The following PALM2AKAP2 variants were observed in gnomAD, a reference collection of about 807,000 sequenced individuals.
PALM2AKAP2 encodes the protein PALM2-AKAP2 fusion protein.
Under a neutral mutation model 71.5 loss-of-function variants are expected in PALM2AKAP2, and 37 were observed. The ratio of observed to expected loss-of-function variants is 0.52; its 90% CI spans 0.40 to 0.68. The LOEUF is 0.68. Ranked by LOEUF, PALM2AKAP2 falls within the 30% of genes least tolerant of loss-of-function variation. The pLI is 0.00. For missense variants in PALM2AKAP2, 1,224 were observed against 1,191.8 expected (o/e 1.03, Z -0.40); for synonymous variants, 468 against 478.8 (o/e 0.98, Z 0.29).
intron 1 of PALM2AKAP2, among the ~76,000 whole-genome samples, chr9:109,743,791 A>G (rs78389261): frequency 0.043 from 6,510 of 152,292 alleles, 192 homozygotes; most frequent in Non-Finnish European, 0.053. Context: ...CACTTTGATA[A>G]CAGGAGACAT....
intron 1 of PALM2AKAP2, among the ~76,000 whole-genome samples, chr9:109,675,653 A>T (rs889337469): frequency 1.3e-5 from 2 of 152,230 alleles, no homozygotes; most frequent in African/African-American, 4.8e-5. Flanking sequence ...GCAGTCAACT[A>T]GGTGTATTTC....
chr9:110,088,095 A>G (rs1211190711), intron 1 of PALM2AKAP2, among the ~76,000 whole-genome samples: 2 of 152,250 alleles, frequency 1.3e-5, no homozygotes, highest in Non-Finnish European at 2.9e-5. Context: ...GAATGAAGCA[A>G]CAAAAGCAGA....
chr9:109,678,019 G>T (rs555867214), intron 1 of PALM2AKAP2, among the ~76,000 whole-genome samples: 1 of 152,300 alleles, frequency 6.6e-6, no homozygotes, highest in African/African-American at 2.4e-5. Flanking sequence ...CTCTAAGCTT[G>T]TTAGTGGCCT....
At chr9:109,919,765 G>GTGTGTATATA (rs1554726537) in intron 3 of PALM2AKAP2, among the ~76,000 whole-genome samples, 1 of 150,606 alleles carries the variant, frequency 6.6e-6, no homozygotes, top group Non-Finnish European at 1.5e-5. Flanking sequence ...GTGTGTGTGT[G>GTGTGTATATA]TATATATGTA....
intron 6 of PALM2AKAP2, among the ~76,000 whole-genome samples, chr9:109,975,150 T>C (rs1332468371): frequency 1.3e-5 from 2 of 151,876 alleles, no homozygotes; most frequent in East Asian, 3.9e-4. Flanking sequence ...TATGGAAAAA[T>C]ATTATGAGGG....
At chr9:109,731,096 T>A (rs529851815) in intron 1 of PALM2AKAP2, among the ~76,000 whole-genome samples, 3 of 152,348 alleles carry the variant, frequency 2.0e-5, no homozygotes, top group Admixed American at 2.0e-4. Context: ...TAATTACACC[T>A]GGAGTGTATA....
intron 7 of PALM2AKAP2, among the ~76,000 whole-genome samples, chr9:110,043,564 T>C (rs974242667): frequency 2.0e-5 from 3 of 152,078 alleles, no homozygotes; most frequent in African/African-American, 7.2e-5. Flanking sequence ...AAAATACATA[T>C]TTGTATTTTA....
intron 1 of PALM2AKAP2, among the ~76,000 whole-genome samples, chr9:110,088,735 T>TTC (rs1491014399): frequency 4.1e-5 from 5 of 121,434 alleles, no homozygotes; most frequent in South Asian, 5.7e-4. Context: ...TTTTTTTTTT[T>TTC]CTGAGACAGA....
At chr9:109,872,656 A>G (rs982756296) in intron 2 of PALM2AKAP2, among the ~76,000 whole-genome samples, 2 of 152,244 alleles carry the variant, frequency 1.3e-5, no homozygotes, top group African/African-American at 2.4e-5. Flanking sequence ...TGAATGAAAA[A>G]AGATGAAAGG....
chr9:110,079,914 A>G (rs1343217062), intron 1 of PALM2AKAP2, among the ~76,000 whole-genome samples: 1 of 151,984 alleles, frequency 6.6e-6, no homozygotes, highest in African/African-American at 2.4e-5. Flanking sequence ...TACTGAAAAT[A>G]CAAAAATTTG....
chr9:109,937,041 C>A (rs1364967059), intron 6 of PALM2AKAP2, among the ~76,000 whole-genome samples: 1 of 152,204 alleles, frequency 6.6e-6, no homozygotes. Flanking sequence ...TTGCTTGTGT[C>A]GGTTACTCTT....
chr9:110,128,182 G>T (rs1449387393), intron 1 of PALM2AKAP2, among the ~76,000 whole-genome samples: 1 of 152,188 alleles, frequency 6.6e-6, no homozygotes, highest in Non-Finnish European at 1.5e-5. Context: ...TCATCCACCA[G>T]CCAGGTGCAC....
intron 1 of PALM2AKAP2, among the ~76,000 whole-genome samples, chr9:109,657,875 G>A (rs1395935926): frequency 6.6e-6 from 1 of 151,652 alleles, no homozygotes; most frequent in Non-Finnish European, 1.5e-5. Flanking sequence ...CATCCCTGGG[G>A]AGATGAGAAA....
chr9:109,985,399 C>T (rs1448647357), intron 6 of PALM2AKAP2, among the ~76,000 whole-genome samples: 2 of 151,748 alleles, frequency 1.3e-5, no homozygotes, highest in South Asian at 2.1e-4. Flanking sequence ...GTGGGCCGAT[C>T]GCGAGGTCAG....
intron 1 of PALM2AKAP2, among the ~76,000 whole-genome samples, chr9:109,849,576 C>T (rs757541952): frequency 4.7e-4 from 72 of 152,094 alleles, no homozygotes; most frequent in Middle Eastern, 3.4e-3. Flanking sequence ...GGTGAAACTC[C>T]GTCTCTACTA....
chr9:110,086,613 C>T (rs1196670586), intron 1 of PALM2AKAP2, among the ~76,000 whole-genome samples: 1 of 152,162 alleles, frequency 6.6e-6, no homozygotes. Context: ...CATGCACATG[C>T]ATTAAGTTGC....
chr9:109,908,593 A>G (rs906389592), intron 3 of PALM2AKAP2, among the ~76,000 whole-genome samples: 3 of 152,268 alleles, frequency 2.0e-5, no homozygotes, highest in Non-Finnish European at 4.4e-5. Flanking sequence ...TGTCTATTAC[A>G]GTAAATGCTC....
intron 6 of PALM2AKAP2, among the ~76,000 whole-genome samples, chr9:109,974,287 G>A (rs779157089): frequency 3.3e-5 from 5 of 152,226 alleles, no homozygotes; most frequent in African/African-American, 7.2e-5. Flanking sequence ...GTTCAATGCC[G>A]ATGGGCATAT....
chr9:109,943,076 C>A, intron 6 of PALM2AKAP2: 4 of 1,614,226 alleles, frequency 2.5e-6, no homozygotes, highest in Non-Finnish European at 3.4e-6. Flanking sequence ...CAGGCCCAAG[C>A]CCCCAGCGCT....
Sources: gnomAD v4.1 joint callset for allele counts (sites outside exome capture counted in the v4.1 genomes callset) on GRCh38, gnomAD v4.1.1 for gene constraint, MANE v1.5 for transcripts, NCBI Gene and HGNC (gene_info 2026-07-23, HGNC 2026-07-21) for gene names.